The following LAMA2 variants were observed in gnomAD, a reference collection of about 807,000 sequenced individuals.
LAMA2 encodes the protein laminin subunit alpha 2.
In LAMA2, 269 loss-of-function variants were observed where a neutral mutation model predicts 364.8. The observed-to-expected ratio is 0.74, with a 90% CI of 0.67 to 0.82. The LOEUF (loss-of-function observed/expected upper bound fraction) is 0.82. LAMA2 is among the 40% of genes least tolerant of loss of function. LAMA2 has a pLI of 0.00. For missense variants in LAMA2, 3,807 were observed against 3,873.2 expected, an observed-to-expected ratio of 0.98 and a Z score of 0.45; for synonymous variants, 1,379 against 1,370.6, an observed-to-expected ratio of 1.01 and a Z score of -0.14.
intron 12 of LAMA2, among the ~76,000 whole-genome samples, chr6:129,227,180 A>G (rs1009475158): frequency 1.3e-5 from 2 of 152,118 alleles, no homozygotes; most frequent in Non-Finnish European, 2.9e-5. Flanking sequence ...TTTCAGCTCC[A>G]TCAGGTCATT....
chr6:129,285,119 C>T (rs1789009018), intron 18 of LAMA2, among the ~76,000 whole-genome samples: 1 of 152,090 alleles, frequency 6.6e-6, no homozygotes. Context: ...CCAACTTGAT[C>T]AGACTCTAAC....
intron 1 of LAMA2, among the ~76,000 whole-genome samples, chr6:128,938,895 A>G (rs1417647393): frequency 6.6e-6 from 1 of 152,126 alleles, no homozygotes; most frequent in Non-Finnish European, 1.5e-5. Flanking sequence ...CCAAAAACCT[A>G]ACAATGACTT....
intron 1 of LAMA2, among the ~76,000 whole-genome samples, chr6:128,960,487 G>C (rs1483460276): frequency 7.0e-6 from 1 of 143,836 alleles, no homozygotes; most frequent in African/African-American, 2.9e-5. Flanking sequence ...ACCCCCATGA[G>C]TAGCTGGGAT....
At chr6:128,885,364 C>G (rs1476692211) in intron 1 of LAMA2, among the ~76,000 whole-genome samples, 1 of 152,164 alleles carries the variant, frequency 6.6e-6, no homozygotes, top group African/African-American at 2.4e-5. Flanking sequence ...TCTCAAAGGA[C>G]AAATTTAGAA....
intron 18 of LAMA2, among the ~76,000 whole-genome samples, chr6:129,284,751 CCT>C (rs927887620): frequency 5.3e-5 from 8 of 151,918 alleles, no homozygotes; most frequent in African/African-American, 1.9e-4. Context: ...TCTACCTCTC[CCT>C]CTCTCTCTTC....
chr6:129,223,304 CT>C (rs1269684362), intron 12 of LAMA2, among the ~76,000 whole-genome samples: 1 of 151,936 alleles, frequency 6.6e-6, no homozygotes, highest in Non-Finnish European at 1.5e-5. Flanking sequence ...CCTGTTCACT[CT>C]GATGGTAGTT....
intron 58 of LAMA2, among the ~76,000 whole-genome samples, chr6:129,502,021 C>G (rs1002603412): frequency 5.9e-5 from 9 of 152,184 alleles, no homozygotes; most frequent in African/African-American, 2.2e-4. Flanking sequence ...TAGCTCTCCC[C>G]CTCAGCACCC....
At chr6:128,912,077 TATC>T (rs1778005226) in intron 1 of LAMA2, among the ~76,000 whole-genome samples, 1 of 152,332 alleles carries the variant, frequency 6.6e-6, no homozygotes, top group East Asian at 1.9e-4. Context: ...AGTTTTTAAT[TATC>T]ATGAATAAAG....
In LAMA2 at chr6:129,369,966, C is replaced by A. The variant is rs35579821; in HGVS notation, c.4935C>A (p.Thr1645=). Residue 1645 remains threonine (T), a synonymous_variant, in exon 34 of 65, where the codon ACC becomes ACA. Transcript: ENST00000421865. ...LAEGNLNTLV[T]EMNELLTRAT... is the part of the protein sequence containing the mutation. ...AGGGCAATCTGAATACACTCGTGAC[C>A]GAAATGAACGAGCTGCTGACCAGGG... is the stretch of plus-strand genomic sequence containing the variant. 6.8e-4 allele frequency: 1,099 copies of A among 1,613,884 alleles called. 4 individuals are homozygous for A. The African/African-American group carries it at 0.011, about 15-fold the overall frequency.
chr6:129,272,692 A>G (rs866727106), intron 17 of LAMA2, among the ~76,000 whole-genome samples: 17 of 152,180 alleles, frequency 1.1e-4, no homozygotes, highest in African/African-American at 3.6e-4. Flanking sequence ...TCAACCATCT[A>G]TAGCCTGTTA....
intron 4 of LAMA2, among the ~76,000 whole-genome samples, chr6:129,108,562 C>A (rs1408449605): frequency 6.6e-6 from 1 of 151,920 alleles, no homozygotes; most frequent in African/African-American, 2.4e-5. Context: ...CCTCTACACA[C>A]CCCACCCATT....
chr6:129,160,197 A>T (rs138026038), intron 8 of LAMA2, among the ~76,000 whole-genome samples: 111 of 152,256 alleles, frequency 7.3e-4, no homozygotes, highest in African/African-American at 2.5e-3. Context: ...ATGCTTGATA[A>T]AATTTCCTAG....
intron 4 of LAMA2, among the ~76,000 whole-genome samples, chr6:129,106,750 T>TTTATTG (rs1160747740): frequency 1.3e-5 from 2 of 151,712 alleles, no homozygotes; most frequent in Non-Finnish European, 2.9e-5. Flanking sequence ...TTTAAGGTAA[T>TTTATTG]TTATTGTTAC....
Position 129,456,405 on chromosome 6 carries a change from C to G in LAMA2, c.6778C>G (p.His2260Asp). The part of the protein sequence containing the change: ...GPKASIVPST[H>D]HSTSPPGYTI... The stretch of plus-strand genomic sequence containing the variant: ...CAAAGCCAGCATTGTGCCCAGCACA[C>G]ACCATTCGACGTCTCCTCCAGGGTA... Residue 2260 changes from histidine to aspartate, a missense_variant, in exon 48 of 65, where the codon CAC becomes GAC. By Grantham distance (81) the His-to-Asp change is moderately conservative. Transcript: ENST00000421865. 1 of 1,613,412 alleles carries G rather than the reference C, an allele frequency of 6.2e-7. No homozygotes were observed. The highest frequency in any genetic ancestry group is 8.5e-7 in the Non-Finnish European group (1 of 1,179,446).
chr6:129,466,314 C>T (rs945807026), intron 51 of LAMA2, among the ~76,000 whole-genome samples: 2 of 151,838 alleles, frequency 1.3e-5, no homozygotes, highest in African/African-American at 4.8e-5. Flanking sequence ...TTGAGTCAAA[C>T]AGAGAGGTCA....
chr6:129,325,708 C>A (rs924825759), intron 28 of LAMA2, among the ~76,000 whole-genome samples: 1 of 151,982 alleles, frequency 6.6e-6, no homozygotes, highest in Non-Finnish European at 1.5e-5. Context: ...CTGAGTTAAC[C>A]TACTCATTTG....
intron 40 of LAMA2, among the ~76,000 whole-genome samples, chr6:129,422,770 TGAA>T (rs1041438232): frequency 6.6e-6 from 1 of 151,974 alleles, no homozygotes; most frequent in African/African-American, 2.4e-5. Flanking sequence ...AAATATTTAA[TGAA>T]GAAATAATAA....
At chr6:129,333,193 A>G (rs1752877841) in intron 29 of LAMA2, among the ~76,000 whole-genome samples, 1 of 152,128 alleles carries the variant, frequency 6.6e-6, no homozygotes. Flanking sequence ...AACCTGGCCT[A>G]TAATACTATT....
chr6:129,220,432 A>T (rs1408193665), intron 12 of LAMA2, among the ~76,000 whole-genome samples: 2 of 152,248 alleles, frequency 1.3e-5, no homozygotes, highest in South Asian at 4.1e-4. Flanking sequence ...ACTGCCTTGC[A>T]AAAGCAGTTT....
Sources: allele counts gnomAD v4.1 joint callset (sites outside exome capture counted in the v4.1 genomes callset), GRCh38; gene constraint gnomAD v4.1.1; transcripts MANE v1.5; gene names NCBI Gene and HGNC (gene_info 2026-07-23, HGNC 2026-07-21).